Variants in GAP43 observed in about 807,000 individuals in gnomAD.
GAP43 encodes growth associated protein 43.
A neutral mutation model predicts 18.6 loss-of-function variants in GAP43; 6 were observed. The observed-to-expected ratio is 0.32, with a 90% CI of 0.18 to 0.64. The LOEUF (loss-of-function observed/expected upper bound fraction) is 0.64. GAP43 is among the 30% of genes least tolerant of loss of function. GAP43 has a pLI of 0.78. For missense variants in GAP43, 292 were observed against 295.5 expected (o/e 0.99, Z 0.09); for synonymous variants, 115 against 111.4 (o/e 1.03, Z -0.20).
intron 2 of GAP43, among the ~76,000 whole-genome samples, chr3:115,703,023 T>A (rs11923350): frequency 0.015 from 2,313 of 152,186 alleles, 61 homozygotes; most frequent in African/African-American, 0.053. Flanking sequence ...TAAGGAACTT[T>A]CCTAATTGTT....
intron 2 of GAP43, among the ~76,000 whole-genome samples, chr3:115,713,031 G>A (rs1226235913): frequency 6.6e-6 from 1 of 152,122 alleles, no homozygotes; most frequent in African/African-American, 2.4e-5. Flanking sequence ...GTGAAACATG[G>A]TAATGAAACG....
intron 1 of GAP43, chr3:115,663,834 T>A (rs1307444657): frequency 6.4e-7 from 1 of 1,551,854 alleles, no homozygotes; most frequent in Non-Finnish European, 8.7e-7. Flanking sequence ...TTACCTTGCC[T>A]GGGAGGCTTG....
intron 1 of GAP43, among the ~76,000 whole-genome samples, chr3:115,641,113 C>T (rs1157945407): frequency 6.6e-6 from 1 of 150,772 alleles, no homozygotes; most frequent in African/African-American, 2.4e-5. Flanking sequence ...AATCCTCCTG[C>T]CTTGGCCTTC....
intron 1 of GAP43, among the ~76,000 whole-genome samples, chr3:115,674,004 C>T (rs1235609174): frequency 1.3e-5 from 2 of 152,174 alleles, no homozygotes; most frequent in East Asian, 3.9e-4. Flanking sequence ...AGCAATAGGT[C>T]TGTACGCTTG....
At chr3:115,675,272 A>G (rs565192816) in intron 1 of GAP43, among the ~76,000 whole-genome samples, 2 of 152,118 alleles carry the variant, frequency 1.3e-5, no homozygotes, top group East Asian at 1.9e-4. Flanking sequence ...GGGTCTCACT[A>G]TGTTGCCAGG....
At chr3:115,678,177 A>C (rs1371914650) in intron 2 of GAP43, among the ~76,000 whole-genome samples, 2 of 152,188 alleles carry the variant, frequency 1.3e-5, no homozygotes, top group Non-Finnish European at 2.9e-5. Flanking sequence ...ACTTTTCTTT[A>C]GATTTAAGGT....
chr3:115,637,752 A>T (rs1708347293), intron 1 of GAP43, among the ~76,000 whole-genome samples: 1 of 151,988 alleles, frequency 6.6e-6, no homozygotes, highest in East Asian at 1.9e-4. Flanking sequence ...TATTTTGCTG[A>T]CCCGCAGGAA....
chr3:115,647,754 A>C lies in GAP43; in HGVS notation c.30+24035A>C, dbSNP rs1318466187. On this transcript the variant is annotated intron_variant, in intron 1 of 2. Transcript: ENST00000305124. The stretch of plus-strand genomic sequence containing the variant: ...AAAAACAAAAACAAAACAAAACAAA[A>C]AAACAAAAAAAAAAAACGGCCTGAT... Among the ~76,000 whole-genome samples, 14 of 87,428 alleles carry C rather than the reference A, an allele frequency of 1.6e-4. 1 individual carries two copies. The highest frequency in any genetic ancestry group is 8.1e-4 in the Admixed American group (6 of 7,394). 57.4% of individuals were successfully genotyped at this position (87,428 alleles called of 152,430 possible). A position where few individuals can be genotyped will look rare whatever the true frequency, so the allele number is the denominator to read the frequency against.
intron 1 of GAP43, among the ~76,000 whole-genome samples, chr3:115,671,870 G>T (rs902178706): frequency 1.3e-5 from 2 of 152,194 alleles, no homozygotes; most frequent in South Asian, 4.1e-4. Flanking sequence ...TTGAAAAGAA[G>T]AGTGTAAGAT....
In GAP43 at chr3:115,694,193, C is replaced by T. The variant is rs150364519; in HGVS notation, c.628+17583C>T. On this transcript the variant is annotated intron_variant, in intron 2 of 2. Coordinates refer to ENST00000305124, the MANE Select transcript of GAP43 (RefSeq NM_002045.4). ...GGCTGCCGCTGCTGTTACAGGCAGCCCAGAAATCGAAGCATAGCTTGTTTT... is the reference window on the plus strand; with the variant it reads ...GGCTGCCGCTGCTGTTACAGGCAGCTCAGAAATCGAAGCATAGCTTGTTTT... Among the ~76,000 whole-genome samples the T allele has an allele frequency of 1.6e-3, 245 of 152,256 alleles. 1 individual carries two copies. The highest frequency in any genetic ancestry group is 5.7e-3 in the African/African-American group (236 of 41,536).
At chr3:115,647,196 T>C (rs1708467731) in intron 1 of GAP43, among the ~76,000 whole-genome samples, 1 of 151,866 alleles carries the variant, frequency 6.6e-6, no homozygotes, top group Non-Finnish European at 1.5e-5. Context: ...TTGACCCTTC[T>C]GCCATGTGAG....
chr3:115,656,137 AG>A (rs1421704735), intron 1 of GAP43, among the ~76,000 whole-genome samples: 3 of 152,174 alleles, frequency 2.0e-5, no homozygotes, highest in Non-Finnish European at 4.4e-5. Context: ...CTCAGTTTCA[AG>A]GGCTATGAAA....
rs148731356 is a variant in GAP43 at position 115,641,543 on chromosome 3, C to CACACACACACACACAT, written c.30+17824_30+17825insACACACACACACACAT. On this transcript the variant is annotated intron_variant, in intron 1 of 2. Coordinates refer to ENST00000305124, the MANE Select transcript of GAP43 (RefSeq NM_002045.4). ...ACACACACACACACACACACACACACGGTGCTTTCCTGTTTCCCTAGAGAC... is the reference window on the plus strand; with the variant it reads ...ACACACACACACACACACACACACACACACACACACACACATGGTGCTTTCCTGTTTCCCTAGAGAC... 3.5e-3 allele frequency among the ~76,000 whole-genome samples: 519 copies of CACACACACACACACAT among 150,348 alleles called. 4 individuals carry two copies. Among genetic ancestry groups the CACACACACACACACAT allele is most frequent in the South Asian group, 6.4e-3 (30 of 4,670 alleles).
intron 2 of GAP43, among the ~76,000 whole-genome samples, chr3:115,697,639 A>G (rs1709213783): frequency 1.3e-5 from 2 of 152,196 alleles, no homozygotes; most frequent in African/African-American, 2.4e-5. Context: ...ATATAGCTCT[A>G]AAAGCAGAGA....
intron 1 of GAP43, among the ~76,000 whole-genome samples, chr3:115,666,729 A>G (rs960623049): frequency 6.6e-6 from 1 of 152,144 alleles, no homozygotes. Flanking sequence ...TCAAACTTAC[A>G]CATGTCTAAC....
chr3:115,634,024 T>C (rs1002517816), intron 1 of GAP43, among the ~76,000 whole-genome samples: 2 of 152,200 alleles, frequency 1.3e-5, no homozygotes, highest in Non-Finnish European at 2.9e-5. Flanking sequence ...GCTCTAAATG[T>C]AGAATATTGG....
At chr3:115,681,596 CT>C (rs531512050) in intron 2 of GAP43, among the ~76,000 whole-genome samples, 1 of 152,268 alleles carries the variant, frequency 6.6e-6, no homozygotes, top group Non-Finnish European at 1.5e-5. Context: ...CAAGTTATTG[CT>C]TCTCTGGACC....
chr3:115,711,416 A>C (rs559139320), intron 2 of GAP43, among the ~76,000 whole-genome samples: 9 of 152,310 alleles, frequency 5.9e-5, no homozygotes, highest in African/African-American at 1.9e-4. Context: ...AAATGCTGAG[A>C]GAAAAGAGCT....
intron 1 of GAP43, among the ~76,000 whole-genome samples, chr3:115,641,302 CCT>C (rs746991864): frequency 2.0e-5 from 3 of 151,728 alleles, no homozygotes; most frequent in East Asian, 1.9e-4. Context: ...ACTATAGTAA[CCT>C]CCTTAGCAAT....
Sources: gnomAD v4.1 joint callset for allele counts (sites outside exome capture counted in the v4.1 genomes callset) on GRCh38, gnomAD v4.1.1 for gene constraint, MANE v1.5 for transcripts, NCBI Gene and HGNC (gene_info 2026-07-23, HGNC 2026-07-21) for gene names.